Variants in VDR observed in about 807,000 individuals in gnomAD.
VDR encodes vitamin D3 receptor.
Under a neutral mutation model 39.7 loss-of-function variants are expected in VDR, and 19 were observed. The observed-to-expected ratio is 0.48, with a 90% confidence interval of 0.33 to 0.70. The LOEUF is 0.70. Ranked by LOEUF, VDR falls within the 30% of genes least tolerant of loss-of-function variation. VDR has a pLI of 0.02. For synonymous variants in VDR, 242 were observed against 215.8 expected (o/e 1.12, Z -1.07); for missense variants, 442 against 570.5 (o/e 0.77, Z 2.29).
At chr12:47,900,605 G>A (rs191262108) in intron 1 of VDR, among the ~76,000 whole-genome samples, 3 of 152,300 alleles carry the variant, frequency 2.0e-5, no homozygotes, top group African/African-American at 7.2e-5. Flanking sequence ...ACGTAGCACA[G>A]CACCTGTTAC....
At chr12:47,901,065 C>T (rs1946549287) in intron 1 of VDR, 1 of 155,096 alleles carries the variant, frequency 6.4e-6, no homozygotes, top group South Asian at 2.0e-4. Flanking sequence ...CATCCTCTCC[C>T]AGCCAGCCTT....
chr12:47,892,983 AG>A (rs1199287769), intron 1 of VDR, among the ~76,000 whole-genome samples: 1 of 152,192 alleles, frequency 6.6e-6, no homozygotes, highest in Non-Finnish European at 1.5e-5. Flanking sequence ...TGAGAGCGAA[AG>A]GGAAAGAACA....
rs554735374 is a variant in VDR, at chr12:47,843,106, T to A, written c.*1640A>T. ...GAGTCTGAAAACAACTCATATCTAA[T>A]AAATTTAAGATTAAGCGATATATAT... On this transcript the variant is annotated 3_prime_UTR_variant, in exon 10 of 10. Coordinates refer to ENST00000549336, the MANE Select transcript of VDR (RefSeq NM_000376.3). 2 of 152,172 alleles carry A rather than the reference T, an allele frequency of 1.3e-5. No individual in the cohort carries two copies. Among genetic ancestry groups the A allele is most frequent in the East Asian group, 3.8e-4 (2 of 5,200 alleles). The allele number at this position is 152,172 out of a possible 1,614,324, so 9.4% of individuals were successfully genotyped here.
chr12:47,856,794 G>C (rs929305942), intron 6 of VDR, among the ~76,000 whole-genome samples: 1 of 152,056 alleles, frequency 6.6e-6, no homozygotes, highest in Non-Finnish European at 1.5e-5. Context: ...CCTTCTGAAG[G>C]GCCCAGGATT....
intron 1 of VDR, 51 bp downstream of exon 1, chr12:47,904,904 C>A: frequency 6.7e-6 from 2 of 298,588 alleles, no homozygotes; most frequent in South Asian, 1.1e-4. Context: ...GACGCCCCGA[C>A]CCCGAGTCCC....
At chr12:47,851,280 C>T (rs1945382695) in intron 7 of VDR, among the ~76,000 whole-genome samples, 1 of 152,064 alleles carries the variant, frequency 6.6e-6, no homozygotes, top group African/African-American at 2.4e-5. Flanking sequence ...CTGCTGATGC[C>T]ACCTCCTCCA....
At position 47,844,548 on chromosome 12, in the gene VDR, A is replaced by C; in HGVS notation, c.*198T>G. The C allele has an allele frequency of 1.4e-6, 1 of 716,542 alleles. No homozygotes were observed. The highest frequency in any genetic ancestry group is 2.7e-5 in the East Asian group (1 of 36,998). 44.4% of individuals were successfully genotyped at this position (716,542 alleles called of 1,614,324 possible). Reference sequence around the variant, plus strand: ...GCAACTCCTCATGGCTGAGGTCTCAAGGGACCGGGGAAAAGCCCGCAGGAA... The same window carrying C: ...GCAACTCCTCATGGCTGAGGTCTCACGGGACCGGGGAAAAGCCCGCAGGAA... On this transcript the variant is annotated 3_prime_UTR_variant, in exon 10 of 10. Coordinates refer to ENST00000549336, the MANE Select transcript of VDR (RefSeq NM_000376.3).
intron 2 of VDR, among the ~76,000 whole-genome samples, chr12:47,879,538 C>T (rs542718527): frequency 2.0e-5 from 3 of 152,314 alleles, no homozygotes; most frequent in African/African-American, 7.2e-5. Context: ...GGCTTCTATC[C>T]TGCCCAACGC....
intron 4 of VDR, among the ~76,000 whole-genome samples, chr12:47,859,851 TTCC>T (rs1945572839): frequency 3.6e-5 from 2 of 55,984 alleles, no homozygotes; most frequent in African/African-American, 1.7e-4. Flanking sequence ...CCTTCCTTCC[TTCC>T]TTCCTTCCTT....
At chr12:47,859,971 C>CTTTCTT (rs1565615520) in intron 4 of VDR, among the ~76,000 whole-genome samples, 2 of 137,460 alleles carry the variant, frequency 1.5e-5, no homozygotes, top group African/African-American at 5.9e-5. Context: ...TTCTTTCTTT[C>CTTTCTT]TTTCTTTCTT....
intron 1 of VDR, among the ~76,000 whole-genome samples, chr12:47,885,611 A>C (rs1946237389): frequency 6.6e-6 from 1 of 152,244 alleles, no homozygotes; most frequent in Admixed American, 6.5e-5. Context: ...AGGACCATGG[A>C]GTGGACAAGA....
chr12:47,846,480 G>A (rs1260631022), intron 8 of VDR, 29 bp from the exon 9 acceptor site: 5 of 1,557,836 alleles, frequency 3.2e-6, no homozygotes, highest in Non-Finnish European at 4.3e-6. Flanking sequence ...AGGTACTGCG[G>A]GCAGAGCTGA....
chr12:47,856,474 T>C (rs1000906791), intron 6 of VDR, among the ~76,000 whole-genome samples: 7 of 152,188 alleles, frequency 4.6e-5, no homozygotes, highest in Non-Finnish European at 8.8e-5. Context: ...AGGTACATTA[T>C]TGTATTCCAG....
rs774173372 is a variant in VDR, at chr12:47,865,162, C to T, written c.162G>A (p.Arg54=). Residue 54 remains arginine, a synonymous_variant, in exon 4 of 10, where the codon CGG becomes CGA. Transcript: ENST00000549336. The part of the protein sequence containing the change: ...CKGFFRRSMK[R]KALFTCPFNG... The stretch of plus-strand genomic sequence containing the variant: ...TGAAGGGGCAGGTGAATAGTGCCTT[C>T]CGCTTCATGCTTCGCCTGCCGAGAG... The T allele has an allele frequency of 3.8e-5, 62 of 1,612,682 alleles. No homozygotes were observed. Among genetic ancestry groups the T allele is most frequent in the Middle Eastern group, 1.6e-4 (1 of 6,082 alleles).
Position 47,879,061 on chromosome 12 carries a change from C to A in VDR, c.53G>T (p.Arg18Leu). 6.2e-7 allele frequency: 1 copy of A among 1,614,164 alleles called. No homozygotes were observed. Among genetic ancestry groups the A allele is most frequent in the Non-Finnish European group, 8.5e-7 (1 of 1,180,030 alleles). Residue 18 changes from arginine to leucine, a missense_variant, in exon 3 of 10, where the codon CGG (arginine) becomes CTG (leucine). Transcript: ENST00000549336. Reference protein sequence around the residue: ...TSLPDPGDFDRNVPRICGVCG... With the variant: ...TSLPDPGDFDLNVPRICGVCG... The stretch of plus-strand genomic sequence containing the variant: ...CACCCCACAGATCCGGGGCACGTTC[C>A]GGTCAAAGTCTCCAGGGTCAGGCAG...
At chr12:47,881,691 T>G (rs1313973896) in intron 2 of VDR, among the ~76,000 whole-genome samples, 2 of 152,164 alleles carry the variant, frequency 1.3e-5, no homozygotes, top group Non-Finnish European at 2.9e-5. Flanking sequence ...ATACAAAACG[T>G]TTCATAATTT....
intron 1 of VDR, among the ~76,000 whole-genome samples, chr12:47,895,909 G>A (rs183434792): frequency 6.6e-6 from 1 of 152,324 alleles, no homozygotes; most frequent in African/African-American, 2.4e-5. Flanking sequence ...CATCTCACCG[G>A]GTCTGCATCC....
intron 1 of VDR, among the ~76,000 whole-genome samples, chr12:47,892,026 G>A (rs1046177472): frequency 6.6e-6 from 1 of 152,232 alleles, no homozygotes; most frequent in East Asian, 1.9e-4. Flanking sequence ...GAATGGCCCT[G>A]CCATGCCCCT....
intron 1 of VDR, among the ~76,000 whole-genome samples, chr12:47,899,263 C>CTT (rs1230256819): frequency 1.3e-5 from 2 of 152,152 alleles, no homozygotes; most frequent in African/African-American, 2.4e-5. Context: ...GCAAGAGTCT[C>CTT]TTTTTTCCCC....
Sources: allele counts gnomAD v4.1 joint callset (sites outside exome capture counted in the v4.1 genomes callset), GRCh38; gene constraint gnomAD v4.1.1; transcripts MANE v1.5; gene names NCBI Gene and HGNC (gene_info 2026-07-23, HGNC 2026-07-21).